SLC25A13: variants seen among roughly 807,000 people sequenced by gnomAD.
The protein encoded by SLC25A13 is solute carrier family 25 member 13.
A neutral mutation model predicts 85.5 loss-of-function variants in SLC25A13; 70 were observed. That is an observed-to-expected ratio of 0.82 (90% confidence interval 0.68 to 1.00). SLC25A13 has a LOEUF of 1.00. SLC25A13 is among the 50% of genes least tolerant of loss of function. SLC25A13 has a pLI of 0.00. For synonymous variants in SLC25A13, 259 were observed against 288.7 expected (o/e 0.90, Z 1.04); for missense variants, 765 against 819.8 (o/e 0.93, Z 0.82).
In SLC25A13 at chr7:96,191,170, T is replaced by C. The variant is rs773995033; in HGVS notation, c.693A>G (p.Glu231=). The change falls in exon 7 of 18, where the codon GAA becomes GAG. Residue 231 remains glutamate (E), a synonymous_variant. Coordinates refer to ENST00000265631, the MANE Select transcript of SLC25A13 (RefSeq NM_014251.3). ...GAGTGCTATAGATCTTTCTAATGAGTTCCATGTTGTTAAGGAGCGAATTAA... is the reference window on the plus strand; with the variant it reads ...GAGTGCTATAGATCTTTCTAATGAGCTCCATGTTGTTAAGGAGCGAATTAA... ...NGFNSLLNNM[E]LIRKIYSTLA... 1 of 1,613,960 alleles carries C rather than the reference T, an allele frequency of 6.2e-7. No individual in the cohort carries two copies. The highest frequency in any genetic ancestry group is 8.5e-7 in the Non-Finnish European group (1 of 1,180,000).
At chr7:96,213,003 AT>A (rs1462857943) in intron 4 of SLC25A13, among the ~76,000 whole-genome samples, 1 of 152,246 alleles carries the variant, frequency 6.6e-6, no homozygotes, top group Non-Finnish European at 1.5e-5. Flanking sequence ...ACCTACCAAT[AT>A]TTCTATTCAT....
At chr7:96,221,270 G>C (rs1481729529) in intron 4 of SLC25A13, among the ~76,000 whole-genome samples, 1 of 152,112 alleles carries the variant, frequency 6.6e-6, no homozygotes, top group Non-Finnish European at 1.5e-5. Context: ...TCAACATAGA[G>C]ACTATTTACT....
intron 3 of SLC25A13, among the ~76,000 whole-genome samples, chr7:96,274,664 C>A (rs1384453792): frequency 6.6e-6 from 1 of 152,114 alleles, no homozygotes; most frequent in Non-Finnish European, 1.5e-5. Context: ...AGTCTTTAAT[C>A]CATCTTGAAT....
rs747004342 is a variant in SLC25A13, at chr7:96,146,531, A to G, written c.1452+25T>C. ...AGGAGATGAGAAAGTAATCAAATAA[A>G]TGACTAAAAAAAAAAAAAAGTTACC... On this transcript the variant is annotated intron_variant, in intron 14 of 17. Transcript: ENST00000265631. 3 of 1,607,196 alleles carry G rather than the reference A, an allele frequency of 1.9e-6. No homozygotes were observed. In the Admixed American group the frequency reaches 5.1e-5, roughly 27 times the overall value.
intron 3 of SLC25A13, among the ~76,000 whole-genome samples, chr7:96,274,675 T>A (rs1798375989): frequency 6.6e-6 from 1 of 152,186 alleles, no homozygotes; most frequent in Non-Finnish European, 1.5e-5. Flanking sequence ...CATCTTGAAT[T>A]AATTTTTGTA....
At chr7:96,263,806 C>T (rs1797945136) in intron 3 of SLC25A13, among the ~76,000 whole-genome samples, 2 of 152,178 alleles carry the variant, frequency 1.3e-5, no homozygotes, top group Admixed American at 1.3e-4. Flanking sequence ...TCCTCAGCCA[C>T]TCACTCCCAT....
At chr7:96,193,267 T>C (rs2116663854) in intron 5 of SLC25A13, 84 bp from the exon 6 acceptor site, 2 of 1,515,526 alleles carry the variant, frequency 1.3e-6, no homozygotes, top group South Asian at 1.2e-5. Flanking sequence ...AAAATCAGAC[T>C]GAAGAAAGAG....
At chr7:96,261,807 G>A (rs1797862679) in intron 3 of SLC25A13, among the ~76,000 whole-genome samples, 1 of 152,172 alleles carries the variant, frequency 6.6e-6, no homozygotes, top group African/African-American at 2.4e-5. Context: ...GGAAGTCCAA[G>A]ATCAAGGCAC....
chr7:96,192,684 ATTT>A (rs5885944), intron 6 of SLC25A13, among the ~76,000 whole-genome samples: 531 of 143,396 alleles, frequency 3.7e-3, no homozygotes, highest in African/African-American at 4.5e-3. Flanking sequence ...CATGTGCACT[ATTT>A]TTTTTTTTTT....
intron 4 of SLC25A13, among the ~76,000 whole-genome samples, chr7:96,222,990 T>C (rs1796190622): frequency 1.3e-5 from 2 of 152,170 alleles, no homozygotes. Context: ...ATATGTCTAC[T>C]AGTTCAACTG....
chr7:96,168,540 A>C (rs939407517), intron 13 of SLC25A13, among the ~76,000 whole-genome samples: 11 of 152,196 alleles, frequency 7.2e-5, no homozygotes, highest in African/African-American at 2.4e-4. Context: ...TGGCACCTAG[A>C]AAATACGTGC....
chr7:96,190,795 T>C (rs1194093992), intron 7 of SLC25A13, among the ~76,000 whole-genome samples: 1 of 152,080 alleles, frequency 6.6e-6, no homozygotes, highest in Non-Finnish European at 1.5e-5. Flanking sequence ...GTATTTTTAG[T>C]AGAGACAGGG....
chr7:96,254,499 GTCT>G (rs1278557134), intron 3 of SLC25A13, among the ~76,000 whole-genome samples: 1 of 152,044 alleles, frequency 6.6e-6, no homozygotes, highest in Non-Finnish European at 1.5e-5. Context: ...TATAATAAAT[GTCT>G]TCATTTATTA....
chr7:96,216,502 T>C (rs13221304), intron 4 of SLC25A13, among the ~76,000 whole-genome samples: 1 of 152,100 alleles, frequency 6.6e-6, no homozygotes, highest in African/African-American at 2.4e-5. Context: ...TCAACCTAAA[T>C]GCCTATCAAC....
intron 4 of SLC25A13, among the ~76,000 whole-genome samples, chr7:96,216,522 G>A (rs1795905828): frequency 6.6e-6 from 1 of 151,962 alleles, no homozygotes; most frequent in Admixed American, 6.6e-5. Flanking sequence ...CGATAGAGTG[G>A]ATAAAAAAAA....
intron 11 of SLC25A13, among the ~76,000 whole-genome samples, chr7:96,176,065 G>A (rs1291896317): frequency 1.3e-5 from 2 of 152,124 alleles, no homozygotes; most frequent in Non-Finnish European, 2.9e-5. Flanking sequence ...TTGTAAGAAG[G>A]TCATGATCTG....
At chr7:96,246,417 G>GTAA (rs1188218050) in intron 3 of SLC25A13, among the ~76,000 whole-genome samples, 1 of 152,096 alleles carries the variant, frequency 6.6e-6, no homozygotes, top group Non-Finnish European at 1.5e-5. Context: ...CTGAAGCAAG[G>GTAA]TAATGATGAT....
intron 14 of SLC25A13, among the ~76,000 whole-genome samples, chr7:96,144,119 C>T (rs895920975): frequency 1.3e-5 from 2 of 152,212 alleles, no homozygotes; most frequent in African/African-American, 4.8e-5. Context: ...TGCTGTGATG[C>T]TCCCTAGAAA....
intron 4 of SLC25A13, among the ~76,000 whole-genome samples, chr7:96,225,410 G>A (rs1187736638): frequency 6.6e-6 from 1 of 152,072 alleles, no homozygotes; most frequent in East Asian, 1.9e-4. Context: ...GCTGGACATG[G>A]TAGCGCCACC....
Sources: allele counts gnomAD v4.1 joint callset (sites outside exome capture counted in the v4.1 genomes callset), GRCh38; gene constraint gnomAD v4.1.1; transcripts MANE v1.5; gene names NCBI Gene and HGNC (gene_info 2026-07-23, HGNC 2026-07-21).